The following TMCC1 variants were observed in gnomAD, a reference collection of about 807,000 sequenced individuals.
TMCC1 encodes transmembrane and coiled-coil domains protein 1.
TMCC1 carries 15 observed loss-of-function variants against 52.4 expected under a neutral mutation model. The ratio of observed to expected loss-of-function variants is 0.29; its 90% CI spans 0.19 to 0.44. The LOEUF is 0.44. Among genes scored for constraint, TMCC1 ranks in the 20% least tolerant of loss-of-function variants. The pLI, the probability that TMCC1 is intolerant of heterozygous loss-of-function variation, is 1.00. For synonymous variants in TMCC1, 279 were observed against 301.9 expected, an observed-to-expected ratio of 0.92 and a Z score of 0.79; for missense variants, 503 against 806.0, an observed-to-expected ratio of 0.62 and a Z score of 4.55.
intron 4 of TMCC1, among the ~76,000 whole-genome samples, chr3:129,773,005 T>C (rs987281613): frequency 6.6e-6 from 1 of 152,150 alleles, no homozygotes; most frequent in Non-Finnish European, 1.5e-5. Flanking sequence ...TTACCCTCAC[T>C]CTAGCAACTT....
intron 4 of TMCC1, among the ~76,000 whole-genome samples, chr3:129,817,511 G>GAAA (rs1237748338): frequency 6.6e-6 from 1 of 152,112 alleles, no homozygotes; most frequent in Non-Finnish European, 1.5e-5. Flanking sequence ...AAATCTGACA[G>GAAA]AAAAGAATAT....
intron 4 of TMCC1, among the ~76,000 whole-genome samples, chr3:129,702,964 C>T (rs770348941): frequency 2.1e-4 from 32 of 152,194 alleles, no homozygotes; most frequent in African/African-American, 6.0e-4. Context: ...TGCAGTGGGC[C>T]GAGATTGCAT....
chr3:129,793,199 A>AG (rs1235241108), intron 4 of TMCC1, among the ~76,000 whole-genome samples: 1 of 152,090 alleles, frequency 6.6e-6, no homozygotes, highest in Non-Finnish European at 1.5e-5. Flanking sequence ...ACCATGGAGC[A>AG]GGGGGGAAGG....
Position 129,828,917 on chromosome 3 carries a change from C to T in TMCC1, c.-130-409G>A, listed in dbSNP as rs1479683244. On this transcript the variant is annotated intron_variant, in intron 3 of 6. Transcript: ENST00000393238. The surrounding 1 kb of genome is among the most constrained non-coding windows in gnomAD (Gnocchi z 4.1). ...CTAGCTGAGGCAATTTAATCCCTCTCATTCATAACCACAGTTAATTATTCA... is the reference window on the plus strand; with the variant it reads ...CTAGCTGAGGCAATTTAATCCCTCTTATTCATAACCACAGTTAATTATTCA... Among the ~76,000 whole-genome samples the T allele has an allele frequency of 6.6e-6, 1 of 152,186 alleles. No homozygotes were observed.
chr3:129,754,687 G>C (rs2052833939), intron 4 of TMCC1, among the ~76,000 whole-genome samples: 1 of 152,134 alleles, frequency 6.6e-6, no homozygotes, highest in South Asian at 2.1e-4. Flanking sequence ...AGGAATCTCA[G>C]CATATTTACA....
At chr3:129,793,847 A>T (rs1050044889) in intron 4 of TMCC1, among the ~76,000 whole-genome samples, 4 of 152,172 alleles carry the variant, frequency 2.6e-5, no homozygotes, top group African/African-American at 9.7e-5. Context: ...AAGTTTCTCA[A>T]CACAACCACT....
intron 4 of TMCC1, among the ~76,000 whole-genome samples, chr3:129,779,831 C>T (rs1403842871): frequency 1.3e-5 from 2 of 152,154 alleles, no homozygotes; most frequent in African/African-American, 4.8e-5. Flanking sequence ...CTATTTCTGG[C>T]TTCACTACTG....
At chr3:129,884,479 A>T (rs1397032153) in intron 1 of TMCC1, among the ~76,000 whole-genome samples, 1 of 151,978 alleles carries the variant, frequency 6.6e-6, no homozygotes, top group East Asian at 1.9e-4. Flanking sequence ...TAAAATAAAA[A>T]AAGAATTTAT....
At chr3:129,805,724 G>C (rs771391279) in intron 4 of TMCC1, among the ~76,000 whole-genome samples, 58 of 152,034 alleles carry the variant, frequency 3.8e-4, no homozygotes, top group Non-Finnish European at 6.8e-4. Flanking sequence ...CTTGAGGTTA[G>C]GAGTTTGAGA....
At chr3:129,806,925 C>A (rs569705983) in intron 4 of TMCC1, among the ~76,000 whole-genome samples, 18 of 151,800 alleles carry the variant, frequency 1.2e-4, no homozygotes, top group Admixed American at 1.2e-3. Context: ...GGAAAAAAAA[C>A]CACTAAACGG....
intron 6 of TMCC1, among the ~76,000 whole-genome samples, chr3:129,654,007 G>A (rs912618276): frequency 7.2e-5 from 11 of 151,948 alleles, no homozygotes; most frequent in African/African-American, 1.9e-4. Flanking sequence ...TTTAACATAC[G>A]CCTAATTCCC....
At position 129,794,397 on chromosome 3, in the gene TMCC1, C is replaced by T. The variant is rs372097517; in HGVS notation, c.576+33406G>A. The T allele has an allele frequency of 5.3e-5, 24 of 455,806 alleles. No homozygotes were observed. The East Asian group carries it at 6.3e-4, about 12-fold the overall frequency. The allele number at this position is 455,806 out of a possible 1,614,324, so 28.2% of individuals were successfully genotyped here. On this transcript the variant is annotated intron_variant, in intron 4 of 6. Coordinates refer to ENST00000393238, the MANE Select transcript of TMCC1 (RefSeq NM_001017395.5). ...GAGGATCTTCAGACAAAGCAATCCA[C>T]GAAGGGTTTTTTAAATAACAGCTTC...
intron 4 of TMCC1, among the ~76,000 whole-genome samples, chr3:129,715,362 G>A (rs2049002163): frequency 6.6e-6 from 1 of 152,146 alleles, no homozygotes; most frequent in Admixed American, 6.6e-5. Context: ...TTCACGACCA[G>A]CCTGGTCAAC....
At position 129,853,131 on chromosome 3, in the gene TMCC1, T is replaced by C. The variant is rs1436191098; in HGVS notation, c.-183-20305A>G. Among the ~76,000 whole-genome samples, 5 of 152,158 alleles carry C rather than the reference T, an allele frequency of 3.3e-5. No homozygotes were observed. In the East Asian group the frequency reaches 9.7e-4, roughly 29 times the overall value. On this transcript the variant is annotated intron_variant, in intron 2 of 6. Transcript: ENST00000393238. ...GTTAAAACTGGGGTATAGTGAGCTA[T>C]GATTGTGCCACTGCACTCTAGCCTG...
At chr3:129,811,819 C>A (rs1184655241) in intron 4 of TMCC1, among the ~76,000 whole-genome samples, 1 of 151,804 alleles carries the variant, frequency 6.6e-6, no homozygotes, top group Non-Finnish European at 1.5e-5. Flanking sequence ...TGGCATGCGC[C>A]TGTAATCCCA....
chr3:129,653,059 G>A (rs778147929), intron 6 of TMCC1, among the ~76,000 whole-genome samples: 12 of 152,026 alleles, frequency 7.9e-5, no homozygotes, highest in Non-Finnish European at 1.2e-4. Flanking sequence ...TATAGGAATC[G>A]ATTCACAACT....
intron 4 of TMCC1, among the ~76,000 whole-genome samples, chr3:129,715,953 C>T (rs989860806): frequency 3.9e-5 from 6 of 151,996 alleles, no homozygotes; most frequent in Non-Finnish European, 5.9e-5. Context: ...TCCTCCTTTT[C>T]CCCTATACCC....
At chr3:129,882,693 AAAAG>A (rs540975790) in intron 1 of TMCC1, among the ~76,000 whole-genome samples, 32 of 152,366 alleles carry the variant, frequency 2.1e-4, no homozygotes, top group Non-Finnish European at 3.7e-4. Flanking sequence ...TGCAGTCTTA[AAAAG>A]AAAGAACATT....
intron 4 of TMCC1, among the ~76,000 whole-genome samples, chr3:129,675,823 G>T (rs1419431314): frequency 4.6e-5 from 7 of 152,072 alleles, no homozygotes; most frequent in Admixed American, 4.6e-4. Context: ...GGATCACGAG[G>T]TCAGGAGATC....
Sources: allele counts gnomAD v4.1 joint callset (sites outside exome capture counted in the v4.1 genomes callset), GRCh38; gene constraint gnomAD v4.1.1; non-coding constraint Gnocchi (gnomAD v3.1); transcripts MANE v1.5; gene names NCBI Gene and HGNC (gene_info 2026-07-23, HGNC 2026-07-21).